IGHMBP2: variants seen among roughly 807,000 people sequenced by gnomAD.
IGHMBP2 encodes the protein immunoglobulin mu DNA binding protein 2, also known as DNA-binding protein SMUBP-2.
IGHMBP2 carries 81 observed loss-of-function variants against 96.0 expected under a neutral mutation model. That is an observed-to-expected ratio of 0.84 (90% CI 0.71 to 1.01). The LOEUF (loss-of-function observed/expected upper bound fraction) is 1.01. IGHMBP2 is among the 50% of genes least tolerant of loss of function. The probability of loss-of-function intolerance (pLI) is 0.00; values close to 1 mark genes in which losing one functional copy is unlikely to be tolerated. For synonymous variants in IGHMBP2, 557 were observed against 548.9 expected (o/e 1.01, Z -0.21); for missense variants, 1,227 against 1,306.3 (o/e 0.94, Z 0.94).
rs752962297 is a variant in IGHMBP2, at chr11:68,911,523, A to G, written c.631A>G (p.Ile211Val). 5.6e-6 allele frequency: 9 copies of G among 1,614,132 alleles called. No individual in the cohort carries two copies. In the South Asian group the frequency reaches 8.8e-5, roughly 16 times the overall value. The change falls in exon 5 of 15, where the codon ATC (isoleucine) becomes GTC (valine). Residue 211 changes from isoleucine to valine, a missense_variant. By Grantham distance (29) the Ile-to-Val change is conservative. This residue lies in a region of IGHMBP2 where 507 missense variants were observed against 496.9 expected (regional missense o/e 1.02). Transcript: ENST00000255078. The part of the protein sequence containing the change: ...LFALSQKELA[I>V]IHGPPGTGKT... The stretch of plus-strand genomic sequence containing the variant: ...TGCGCTGTCTCAGAAAGAACTTGCC[A>G]TCATCCATGGACCTCCTGGCACTGG...
chr11:68,906,865 C>T (rs1293814457), intron 2 of IGHMBP2, among the ~76,000 whole-genome samples: 1 of 152,090 alleles, frequency 6.6e-6, no homozygotes, highest in East Asian at 1.9e-4. Context: ...TGGTCTCGAA[C>T]TCCCAACTTC....
intron 7 of IGHMBP2, 46 bp downstream of exon 7, chr11:68,917,929 T>C (rs79096700): frequency 8.8e-6 from 14 of 1,586,476 alleles, no homozygotes; most frequent in South Asian, 1.1e-5. Context: ...GAAGAAGGAG[T>C]TGGGGTGTGT....
intron 10 of IGHMBP2, 139 bp downstream of exon 10, chr11:68,934,052 C>T (rs1292391962): frequency 4.2e-6 from 3 of 718,046 alleles, no homozygotes; most frequent in African/African-American, 3.5e-5. Context: ...GAGCCCCACA[C>T]TGCAAGAGGC....
At chr11:68,904,803 C>CTTTTCTTTTTTCT (rs892709461) in intron 1 of IGHMBP2, among the ~76,000 whole-genome samples, 1 of 120,996 alleles carries the variant, frequency 8.3e-6, no homozygotes, top group African/African-American at 3.0e-5. Flanking sequence ...TTTTCTTTTT[C>CTTTTCTTTTTTCT]TTTTTTTTTT....
At chr11:68,929,586 C>A in intron 8 of IGHMBP2, 1 of 348,610 alleles carries the variant, frequency 2.9e-6, no homozygotes, top group Non-Finnish European at 4.0e-6. Flanking sequence ...AGCTTCAGAA[C>A]TGGACACAGG....
intron 1 of IGHMBP2, among the ~76,000 whole-genome samples, chr11:68,904,803 CTT>C (rs1555241972): frequency 9.9e-5 from 12 of 120,960 alleles, no homozygotes; most frequent in African/African-American, 2.7e-4. Context: ...TTTTCTTTTT[CTT>C]TTTTTTTTTT....
intron 13 of IGHMBP2, 145 bp downstream of exon 13, chr11:68,937,236 T>G: frequency 9.4e-7 from 1 of 1,060,160 alleles, no homozygotes; most frequent in Non-Finnish European, 1.4e-6. Context: ...TTTTCAGTCA[T>G]GCCACTCCCA....
rs67100727 is a variant in IGHMBP2 at position 68,909,828 on chromosome 11, C to T, written c.547+1197C>T. ...TTTTTTAGTAGAGACAACATGGTTT[C>T]ACCATGTTGGTCGGGCCGGTCTTGA... On this transcript the variant is annotated intron_variant, in intron 4 of 14. Coordinates refer to ENST00000255078, the MANE Select transcript of IGHMBP2 (RefSeq NM_002180.3). Among the ~76,000 whole-genome samples, 66 of 152,052 alleles carry T rather than the reference C, an allele frequency of 4.3e-4. No individual in the cohort carries two copies. The East Asian group carries it at 0.011, about 24-fold the overall frequency.
chr11:68,938,442 C>G (rs1859638723), intron 14 of IGHMBP2, 88 bp downstream of exon 14: 1 of 1,183,132 alleles, frequency 8.5e-7, no homozygotes, highest in Non-Finnish European at 1.2e-6. Context: ...AGACTTGTTC[C>G]AGTCGGAACA....
In IGHMBP2 at chr11:68,917,801, A is replaced by C; in HGVS notation, c.978A>C (p.Leu326Phe). The C allele has an allele frequency of 9.3e-6, 15 of 1,613,670 alleles. No homozygotes were observed. Among genetic ancestry groups the C allele is most frequent in the Non-Finnish European group, 1.3e-5 (15 of 1,179,546 alleles). Residue 326 changes from leucine to phenylalanine, a missense_variant, in exon 7 of 15, where the codon TTA becomes TTC. Coordinates refer to ENST00000255078, the MANE Select transcript of IGHMBP2 (RefSeq NM_002180.3). ...KSNFRNEIKL[L>F]RKELKEREEA... Reference sequence around the variant, plus strand: ...ATTTTCGAAATGAAATTAAGCTGTTAAGAAAAGAACTGAAGGAGAGGGAAG... The same window carrying C: ...ATTTTCGAAATGAAATTAAGCTGTTCAGAAAAGAACTGAAGGAGAGGGAAG...
Position 68,934,017 on chromosome 11 carries a change from A to G in IGHMBP2, c.1537+104A>G, listed in dbSNP as rs568395815. On this transcript the variant is annotated intron_variant, in intron 10 of 14. Transcript: ENST00000255078. ...CCTAATTCCGGGAGGAGCTGAGAGCAGTTGTTGATGGCCGTGAAAAAACGG... is the reference window on the plus strand; with the variant it reads ...CCTAATTCCGGGAGGAGCTGAGAGCGGTTGTTGATGGCCGTGAAAAAACGG... 16 of 847,200 alleles carry G rather than the reference A, an allele frequency of 1.9e-5. 1 individual carries two copies. The South Asian group carries it at 2.3e-4, about 12-fold the overall frequency. 52.5% of individuals were successfully genotyped at this position (847,200 alleles called of 1,614,324 possible).
chr11:68,910,946 C>T lies in IGHMBP2; in HGVS notation c.548-494C>T, dbSNP rs118105641. On this transcript the variant is annotated intron_variant, in intron 4 of 14. Coordinates refer to ENST00000255078, the MANE Select transcript of IGHMBP2 (RefSeq NM_002180.3). ...TCGTGGAAGATTCAAAATAGAAACA[C>T]GATCCTAGAATTTGTTAATCATTGT... Among the ~76,000 whole-genome samples, 834 of 151,294 alleles carry T rather than the reference C, an allele frequency of 5.5e-3. 6 individuals carry two copies. The highest frequency in any genetic ancestry group is 9.1e-3 in the Admixed American group (138 of 15,212).
chr11:68,925,139 G>GTTTT (rs1594440258), intron 7 of IGHMBP2, among the ~76,000 whole-genome samples: 1 of 138,992 alleles, frequency 7.2e-6, no homozygotes, highest in African/African-American at 2.6e-5. Context: ...CAGAGTCCAG[G>GTTTT]TTCTTTTTTT....
At chr11:68,904,514 G>A (rs558456777) in intron 1 of IGHMBP2, among the ~76,000 whole-genome samples, 3 of 152,218 alleles carry the variant, frequency 2.0e-5, no homozygotes, top group African/African-American at 7.2e-5. Context: ...TGCGTGTCGC[G>A]GGGAAAGAGC....
chr11:68,939,031 G>A (rs370752204), intron 14 of IGHMBP2, among the ~76,000 whole-genome samples: 41 of 152,242 alleles, frequency 2.7e-4, no homozygotes, highest in East Asian at 9.7e-4. Flanking sequence ...GGCCGATGGC[G>A]GGTGGGCAGG....
At chr11:68,917,036 A>G in intron 6 of IGHMBP2, among the ~76,000 whole-genome samples, 1 of 130,220 alleles carries the variant, frequency 7.7e-6, no homozygotes, top group South Asian at 2.5e-4. Context: ...GCTGGAGTGC[A>G]GTGGTGCAAT....
chr11:68,913,685 A>G (rs545312461), intron 5 of IGHMBP2, among the ~76,000 whole-genome samples: 83 of 152,174 alleles, frequency 5.5e-4, no homozygotes, highest in African/African-American at 1.9e-3. Flanking sequence ...TTGGGAGGCC[A>G]AGGGGGGAGG....
chr11:68,929,148 G>T (rs772813269), intron 7 of IGHMBP2, 35 bp from the exon 8 acceptor site: 5 of 1,603,928 alleles, frequency 3.1e-6, no homozygotes, highest in Non-Finnish European at 4.3e-6. Context: ...AAGCAGCTGT[G>T]CCCCTGGAGA....
At chr11:68,933,124 G>A (rs1163956300) in intron 8 of IGHMBP2, 175 bp from the exon 9 acceptor site, 10 of 646,860 alleles carry the variant, frequency 1.5e-5, no homozygotes, top group Non-Finnish European at 2.5e-5. Context: ...GCGATTGGAT[G>A]TAGGTGCCTT....
Sources: allele counts gnomAD v4.1 joint callset (sites outside exome capture counted in the v4.1 genomes callset), GRCh38; gene constraint gnomAD v4.1.1; regional missense constraint gnomAD v4.1.1; transcripts MANE v1.5; gene names NCBI Gene and HGNC (gene_info 2026-07-23, HGNC 2026-07-21).